The following PLCH1 variants were observed in gnomAD, a reference collection of about 807,000 sequenced individuals.
The protein encoded by PLCH1 is 1-phosphatidylinositol 4,5-bisphosphate phosphodiesterase eta-1.
A neutral mutation model predicts 126.7 loss-of-function variants in PLCH1; 60 were observed. The observed-to-expected ratio is 0.47, with a 90% CI of 0.38 to 0.59. The LOEUF (loss-of-function observed/expected upper bound fraction) is 0.59. PLCH1 is among the 20% of genes least tolerant of loss of function. The pLI is 0.00. For missense variants in PLCH1, 1,723 were observed against 2,040.0 expected (o/e 0.84, Z 2.99); for synonymous variants, 719 against 734.9 (o/e 0.98, Z 0.35).
At position 155,482,274 on chromosome 3, in the gene PLCH1, A is replaced by G. The variant is rs1714217031; in HGVS notation, c.3752T>C (p.Ile1251Thr). 1.7e-5 allele frequency: 28 copies of G among 1,614,044 alleles called. No individual in the cohort carries two copies. The highest frequency in any genetic ancestry group is 2.3e-5 in the Non-Finnish European group (27 of 1,179,998). The change falls in exon 23 of 23, where the codon ATA becomes ACA. Residue 1251 changes from isoleucine (I) to threonine (T), a missense_variant. By Grantham distance (89) the Ile-to-Thr change is moderately conservative (BLOSUM62 -1). This residue lies in a region of PLCH1 where 947 missense variants were observed against 977.1 expected (regional missense o/e 0.97). Transcript: ENST00000460012. ...SSFLCSSPEL[I>T]ALSSSETTKH... is the part of the protein sequence containing the mutation. Reference sequence around the variant, plus strand: ...GGTGGTCTCAGAACTCGAGAGTGCTATCAGCTCCGGAGATGAGCACAGGAA... The same window carrying G: ...GGTGGTCTCAGAACTCGAGAGTGCTGTCAGCTCCGGAGATGAGCACAGGAA...
chr3:155,652,292 G>C (rs1306079916), intron 2 of PLCH1, among the ~76,000 whole-genome samples: 1 of 152,158 alleles, frequency 6.6e-6, no homozygotes, highest in Non-Finnish European at 1.5e-5. Flanking sequence ...AGCTTGCACT[G>C]TATTTGCACA....
intron 2 of PLCH1, among the ~76,000 whole-genome samples, chr3:155,636,198 A>G (rs1738699023): frequency 6.6e-6 from 1 of 152,192 alleles, no homozygotes; most frequent in South Asian, 2.1e-4. Context: ...TGGAATAACC[A>G]ATGTGATCAA....
At chr3:155,543,935 T>G (rs1257872696) in intron 10 of PLCH1, among the ~76,000 whole-genome samples, 2 of 152,052 alleles carry the variant, frequency 1.3e-5, no homozygotes, top group Non-Finnish European at 2.9e-5. Context: ...TGCAAAATCA[T>G]GCCAAATTGT....
intron 1 of PLCH1, among the ~76,000 whole-genome samples, chr3:155,729,210 C>T (rs1390102344): frequency 2.0e-5 from 3 of 152,212 alleles, no homozygotes; most frequent in Non-Finnish European, 4.4e-5. Context: ...TCTTCTTCTC[C>T]ATCCACCAGT....
intron 21 of PLCH1, chr3:155,486,907 G>A (rs1380699427): frequency 6.6e-6 from 1 of 152,158 alleles, no homozygotes; most frequent in Non-Finnish European, 1.5e-5. Flanking sequence ...GTTAACCTGG[G>A]ATTCCTAGAA....
At chr3:155,687,886 CTAAA>C (rs1242760446) in intron 2 of PLCH1, among the ~76,000 whole-genome samples, 1 of 152,188 alleles carries the variant, frequency 6.6e-6, no homozygotes, top group Non-Finnish European at 1.5e-5. Flanking sequence ...AGCAGCAACT[CTAAA>C]ACCTTTCTCC....
At chr3:155,618,602 G>A (rs553738530) in intron 2 of PLCH1, among the ~76,000 whole-genome samples, 1 of 152,212 alleles carries the variant, frequency 6.6e-6, no homozygotes, top group South Asian at 2.1e-4. Flanking sequence ...CAGACAACAG[G>A]AGATTCATTT....
chr3:155,744,621 T>C (rs781187271), intron 1 of PLCH1, among the ~76,000 whole-genome samples: 1 of 152,154 alleles, frequency 6.6e-6, no homozygotes, highest in Non-Finnish European at 1.5e-5. Flanking sequence ...TTCTGAATTA[T>C]GGGACCCTGA....
chr3:155,634,244 C>G (rs1005736), intron 2 of PLCH1, among the ~76,000 whole-genome samples: 1 of 152,040 alleles, frequency 6.6e-6, no homozygotes. Context: ...CTGGCCTTCA[C>G]AGCCCCTCCA....
At chr3:155,617,634 T>C (rs1009142173) in intron 2 of PLCH1, among the ~76,000 whole-genome samples, 2 of 152,194 alleles carry the variant, frequency 1.3e-5, no homozygotes, top group Non-Finnish European at 2.9e-5. Flanking sequence ...AATATAGTCA[T>C]TTGCATAAGT....
At chr3:155,574,221 A>G (rs529582266) in intron 6 of PLCH1, among the ~76,000 whole-genome samples, 1 of 151,872 alleles carries the variant, frequency 6.6e-6, no homozygotes, top group African/African-American at 2.4e-5. Flanking sequence ...AGCCCCCCTT[A>G]CCTCTTACAT....
chr3:155,671,071 C>A (rs534158108), intron 2 of PLCH1, among the ~76,000 whole-genome samples: 2 of 152,272 alleles, frequency 1.3e-5, no homozygotes, highest in East Asian at 1.9e-4. Flanking sequence ...TATCTTACCA[C>A]CTCTAACAAA....
chr3:155,695,863 T>A lies in PLCH1; in HGVS notation c.79+8283A>T, dbSNP rs115458785. The stretch of plus-strand genomic sequence containing the variant: ...TGGCTAAGTGAAGAAGCAGTGAGTT[T>A]TGTGGGCAAGGAATGCAAACGTCAG... On this transcript the variant is annotated intron_variant, in intron 2 of 22. Coordinates refer to ENST00000460012, the MANE Select transcript of PLCH1 (RefSeq NM_014996.4). 1.9e-3 allele frequency among the ~76,000 whole-genome samples: 291 copies of A among 152,258 alleles called. 1 individual carries two copies. Among genetic ancestry groups the A allele is most frequent in the African/African-American group, 6.8e-3 (282 of 41,546 alleles).
chr3:155,599,508 G>A (rs1459652928), intron 2 of PLCH1, among the ~76,000 whole-genome samples: 2 of 152,188 alleles, frequency 1.3e-5, no homozygotes, highest in East Asian at 3.8e-4. Context: ...GGGGACTGGG[G>A]ATGCTGGTTA....
intron 11 of PLCH1, among the ~76,000 whole-genome samples, chr3:155,518,547 A>C (rs1425385515): frequency 6.6e-6 from 1 of 152,210 alleles, no homozygotes; most frequent in East Asian, 1.9e-4. Context: ...AACCATGCAC[A>C]GGTTCATATT....
rs375415423 is a variant in PLCH1, at chr3:155,732,977, CA to C, written c.-41+11862del. ...AAAATAATCCCATTTACAATAGCTACAAAAAAAATACGTAGGAATAAATTTA... is the reference window on the plus strand; with the variant it reads ...AAAATAATCCCATTTACAATAGCTACAAAAAAATACGTAGGAATAAATTTA... On this transcript the variant is annotated intron_variant, in intron 1 of 22. Coordinates refer to ENST00000460012, the MANE Select transcript of PLCH1 (RefSeq NM_014996.4). 2.7e-3 allele frequency among the ~76,000 whole-genome samples: 389 copies of C among 144,864 alleles called. 4 individuals are homozygous for C. The highest frequency in any genetic ancestry group is 9.0e-3 in the African/African-American group (352 of 39,084).
chr3:155,626,412 G>A (rs541213088), intron 2 of PLCH1, among the ~76,000 whole-genome samples: 1 of 152,198 alleles, frequency 6.6e-6, no homozygotes, highest in South Asian at 2.1e-4. Flanking sequence ...CCTCCTAGAA[G>A]CCATTCCAGA....
At chr3:155,533,271 G>A (rs1329439984) in intron 10 of PLCH1, among the ~76,000 whole-genome samples, 1 of 152,222 alleles carries the variant, frequency 6.6e-6, no homozygotes, top group Admixed American at 6.5e-5. Flanking sequence ...ATCCAGCTGG[G>A]CATGGTGGCT....
intron 1 of PLCH1, among the ~76,000 whole-genome samples, chr3:155,727,949 C>T (rs1748470050): frequency 6.6e-6 from 1 of 151,590 alleles, no homozygotes; most frequent in Admixed American, 6.6e-5. Context: ...TTTTGAAATC[C>T]CAGCTTTATA....
Sources: gnomAD v4.1 joint callset for allele counts (sites outside exome capture counted in the v4.1 genomes callset) on GRCh38, gnomAD v4.1.1 for gene constraint, gnomAD v4.1.1 regional missense constraint, MANE v1.5 for transcripts, NCBI Gene and HGNC (gene_info 2026-07-23, HGNC 2026-07-21) for gene names.